The following SLC4A4 variants were observed in gnomAD, a reference collection of about 807,000 sequenced individuals.
SLC4A4 encodes solute carrier family 4 member 4.
In SLC4A4, 27 loss-of-function variants were observed where a neutral mutation model predicts 111.5. The observed-to-expected ratio is 0.24, with a 90% CI of 0.18 to 0.33. The LOEUF (loss-of-function observed/expected upper bound fraction) is 0.33, where lower values mean the gene tolerates loss of function less well. Among genes scored for constraint, SLC4A4 ranks in the 10% least tolerant of loss-of-function variants. The pLI is 1.00. For missense variants in SLC4A4, 909 were observed against 1,315.5 expected, an observed-to-expected ratio of 0.69 and a Z score of 4.78; for synonymous variants, 443 against 463.4, an observed-to-expected ratio of 0.96 and a Z score of 0.57.
At chr4:71,178,984 C>G (rs894580785) in intron 2 of SLC4A4, among the ~76,000 whole-genome samples, 3 of 152,312 alleles carry the variant, frequency 2.0e-5, no homozygotes, top group East Asian at 3.9e-4. Context: ...AATCCAGCAG[C>G]ACATCAAAAA....
chr4:71,161,028 G>A (rs1257396005), intron 2 of SLC4A4, among the ~76,000 whole-genome samples: 1 of 152,144 alleles, frequency 6.6e-6, no homozygotes, highest in Non-Finnish European at 1.5e-5. Context: ...GTACTGATTA[G>A]GGCTCTATGC....
intron 2 of SLC4A4, among the ~76,000 whole-genome samples, chr4:71,124,421 C>T (rs1164130895): frequency 6.6e-6 from 1 of 152,006 alleles, no homozygotes; most frequent in Non-Finnish European, 1.5e-5. Context: ...CCACCCCCCT[C>T]GACCTCCCAA....
At position 71,472,944 on chromosome 4, in the gene SLC4A4, C is replaced by T. The variant is rs753686491; in HGVS notation, c.1877C>T (p.Ser626Phe). 13 of 1,612,994 alleles carry T rather than the reference C, an allele frequency of 8.1e-6. No individual in the cohort carries two copies. In the South Asian group the frequency reaches 1.4e-4, roughly 18 times the overall value. Residue 626 changes from serine (S) to phenylalanine (F), a missense_variant, in exon 14 of 26, where the codon TCC (serine) becomes TTC (phenylalanine). Coordinates refer to ENST00000264485, the MANE Select transcript of SLC4A4 (RefSeq NM_001098484.3). ...AAAGTGGGCTACAACACTCTCTTTT[C>T]CTGTACCTGTGTGCCACCTGACCCA... Reference protein sequence around the residue: ...NFKVGYNTLFSCTCVPPDPAN... With the variant: ...NFKVGYNTLFFCTCVPPDPAN...
chr4:71,357,454 G>A (rs1023250630), intron 6 of SLC4A4, among the ~76,000 whole-genome samples: 1 of 152,174 alleles, frequency 6.6e-6, no homozygotes, highest in African/African-American at 2.4e-5. Context: ...AGGTGGTTTA[G>A]TAGTAACTCT....
In SLC4A4 at chr4:71,096,782, T is replaced by C. The variant is rs74439551; in HGVS notation, c.-2+3990T>C. On this transcript the variant is annotated intron_variant, in intron 2 of 26. Coordinates refer to the SLC4A4 transcript ENST00000649996. ...AGTGTGGCTGAGAAGTCAGTCAAGA[T>C]AAGGACTGAAATGAGTCCACTGGAT... Among the ~76,000 whole-genome samples, 96 of 152,264 alleles carry C rather than the reference T, an allele frequency of 6.3e-4. 3 individuals carry two copies. In the East Asian group the frequency reaches 0.017, roughly 28 times the overall value.
chr4:71,236,545 A>G, intron 1 of SLC4A4, 31 bp from the exon 2 acceptor site: 1 of 1,597,194 alleles, frequency 6.3e-7, no homozygotes, highest in Non-Finnish European at 8.6e-7. Flanking sequence ...GAGAAGTCTG[A>G]GCATTCTTTT....
intron 1 of SLC4A4, among the ~76,000 whole-genome samples, chr4:71,209,975 A>G (rs1056554817): frequency 1.3e-5 from 2 of 152,182 alleles, no homozygotes; most frequent in African/African-American, 2.4e-5. Context: ...TTGAACATTT[A>G]TACACTTTTC....
rs115319097 is a variant in SLC4A4, at chr4:71,162,868, G to A, written c.-2+70076G>A. Among the ~76,000 whole-genome samples, 545 of 152,154 alleles carry A rather than the reference G, an allele frequency of 3.6e-3. 1 individual carries two copies. Among genetic ancestry groups the A allele is most frequent in the Middle Eastern group, 6.8e-3 (2 of 294 alleles). On this transcript the variant is annotated intron_variant, in intron 2 of 26. Coordinates refer to the SLC4A4 transcript ENST00000649996. ...GCTATTTCAATTGTATTTCTTTTTC[G>A]CCTGCTCTATTGCTCTTGATTTTGT...
At chr4:71,148,792 A>G (rs1744246326) in intron 2 of SLC4A4, among the ~76,000 whole-genome samples, 1 of 152,112 alleles carries the variant, frequency 6.6e-6, no homozygotes, top group South Asian at 2.1e-4. Context: ...TTTATTCTAA[A>G]TACCCCTTGA....
At chr4:71,397,778 A>G (rs1365383797) in intron 7 of SLC4A4, 125 bp downstream of exon 7, 1 of 828,354 alleles carries the variant, frequency 1.2e-6, no homozygotes, top group South Asian at 1.4e-5. Flanking sequence ...AACAGTTTGC[A>G]CTTTCCTGGG....
intron 16 of SLC4A4, among the ~76,000 whole-genome samples, chr4:71,523,912 T>C (rs926158656): frequency 2.6e-5 from 4 of 152,094 alleles, no homozygotes; most frequent in African/African-American, 9.7e-5. Context: ...GTTAGGACTT[T>C]AAACACCATC....
intron 4 of SLC4A4, among the ~76,000 whole-genome samples, chr4:71,349,514 C>G (rs146794700): frequency 2.0e-5 from 3 of 152,338 alleles, no homozygotes; most frequent in African/African-American, 7.2e-5. Context: ...GAAATCACAA[C>G]AGAATCCTCA....
chr4:71,086,057 G>A (rs546193306), intron 1 of SLC4A4, among the ~76,000 whole-genome samples: 2 of 151,966 alleles, frequency 1.3e-5, no homozygotes, highest in African/African-American at 4.8e-5. Flanking sequence ...TCTTCCATTT[G>A]TTTGTATCCT....
intron 24 of SLC4A4, among the ~76,000 whole-genome samples, chr4:71,564,632 C>T (rs1042920406): frequency 2.0e-5 from 3 of 151,878 alleles, no homozygotes; most frequent in East Asian, 1.9e-4. Context: ...TTCTACTTTG[C>T]GTTCTCATTG....
At position 71,081,257 on chromosome 4, in the gene SLC4A4, T is replaced by A. The variant is rs114070341; in HGVS notation, c.-64-11473T>A. On this transcript the variant is annotated intron_variant, in intron 1 of 26. Coordinates refer to the SLC4A4 transcript ENST00000649996. Reference sequence around the variant, plus strand: ...TCTTTGTGGAAGTTCCTTTCCTCTGTATATTTGTGGAAATTCCCCCACAAA... The same window carrying A: ...TCTTTGTGGAAGTTCCTTTCCTCTGAATATTTGTGGAAATTCCCCCACAAA... 1.5e-3 allele frequency among the ~76,000 whole-genome samples: 225 copies of A among 152,242 alleles called. 3 individuals carry two copies. Among genetic ancestry groups the A allele is most frequent in the African/African-American group, 5.1e-3 (211 of 41,460 alleles).
chr4:71,192,362 C>T (rs1352160177), intron 1 of SLC4A4, among the ~76,000 whole-genome samples: 2 of 152,174 alleles, frequency 1.3e-5, no homozygotes, highest in African/African-American at 4.8e-5. Flanking sequence ...ATTCACTTTA[C>T]TCCTAGGACA....
intron 2 of SLC4A4, among the ~76,000 whole-genome samples, chr4:71,159,457 T>A (rs1744564402): frequency 6.6e-6 from 1 of 152,168 alleles, no homozygotes. Flanking sequence ...CACTGCAACC[T>A]CTGCCTCCTG....
chr4:71,274,701 G>A (rs1722947532), intron 3 of SLC4A4, among the ~76,000 whole-genome samples: 1 of 152,160 alleles, frequency 6.6e-6, no homozygotes, highest in South Asian at 2.1e-4. Flanking sequence ...TAGCCTAGCT[G>A]TGCCTTTTAC....
Position 71,176,345 on chromosome 4 carries a change from T to G in SLC4A4, c.-1-60231T>G, listed in dbSNP as rs551146186. ...CTGGACGGAGAATGACTTTGACGAGTTGAGAGAAGAAGGCTTCAGGTGATC... is the reference window on the plus strand; with the variant it reads ...CTGGACGGAGAATGACTTTGACGAGGTGAGAGAAGAAGGCTTCAGGTGATC... On this transcript the variant is annotated intron_variant, in intron 2 of 26. Coordinates refer to the SLC4A4 transcript ENST00000649996. Among the ~76,000 whole-genome samples the G allele has an allele frequency of 4.6e-5, 7 of 152,036 alleles. No individual in the cohort carries two copies. In the East Asian group the frequency reaches 1.4e-3, roughly 29 times the overall value.
Sources: allele counts gnomAD v4.1 joint callset (sites outside exome capture counted in the v4.1 genomes callset), GRCh38; gene constraint gnomAD v4.1.1; transcripts MANE v1.5; gene names NCBI Gene and HGNC (gene_info 2026-07-23, HGNC 2026-07-21).